The following RIMS2 variants were observed in gnomAD, a reference collection of about 807,000 sequenced individuals.
The protein encoded by RIMS2 is regulating synaptic membrane exocytosis protein 2.
A neutral mutation model predicts 174.4 loss-of-function variants in RIMS2; 59 were observed. The observed-to-expected ratio is 0.34, with a 90% confidence interval of 0.27 to 0.42. The LOEUF (loss-of-function observed/expected upper bound fraction) is 0.42, where lower values mean the gene tolerates loss of function less well. Ranked by LOEUF, RIMS2 falls within the 10% of genes least tolerant of loss-of-function variation. The probability of loss-of-function intolerance (pLI) is 1.00; values close to 1 mark genes in which losing one functional copy is unlikely to be tolerated. For synonymous variants in RIMS2, 606 were observed against 572.5 expected (o/e 1.06, Z -0.84); for missense variants, 1,620 against 1,666.3 (o/e 0.97, Z 0.48).
chr8:103,968,515 C>CT (rs146890850), intron 15 of RIMS2, among the ~76,000 whole-genome samples: 18,993 of 147,080 alleles, frequency 0.13, 1,624 homozygotes, highest in Non-Finnish European at 0.2. Flanking sequence ...TTTTTCTTAC[C>CT]TTTTTTTTTG....
At chr8:103,568,853 T>A (rs185981014) in intron 1 of RIMS2, 1 of 1,158,604 alleles carries the variant, frequency 8.6e-7, no homozygotes, top group Non-Finnish European at 1.3e-6. Context: ...CTGGCTGGTC[T>A]TTGTTAATTG....
intron 19 of RIMS2, among the ~76,000 whole-genome samples, chr8:104,121,082 G>A (rs983166128): frequency 6.6e-6 from 1 of 151,502 alleles, no homozygotes; most frequent in Admixed American, 6.6e-5. Flanking sequence ...ATGGTACTTC[G>A]TGGTGCGATA....
Position 103,812,509 on chromosome 8 carries a change from G to A in RIMS2, c.698+45972G>A, listed in dbSNP as rs372784788. On this transcript the variant is annotated intron_variant, in intron 3 of 23. Transcript: ENST00000504942. ...CGATTCTCCTGCCTCAGCTTCCCGA[G>A]TAGCTGGGATTACAGGCGCGTACCA... Among the ~76,000 whole-genome samples the A allele has an allele frequency of 5.9e-5, 9 of 152,020 alleles. No homozygotes were observed. The South Asian group carries it at 1.9e-3, about 32-fold the overall frequency.
chr8:103,738,540 A>T (rs1317717381), intron 2 of RIMS2, among the ~76,000 whole-genome samples: 1 of 152,316 alleles, frequency 6.6e-6, no homozygotes, highest in African/African-American at 2.4e-5. Context: ...ATGGGATCTA[A>T]TTAAACTAAA....
chr8:103,785,666 T>G (rs1320405966), intron 3 of RIMS2, among the ~76,000 whole-genome samples: 75 of 152,052 alleles, frequency 4.9e-4, no homozygotes, highest in African/African-American at 1.6e-3. Flanking sequence ...GCTGGATTCG[T>G]TTAGCCAGTA....
chr8:103,510,671 C>G (rs576220306), intron 1 of RIMS2, among the ~76,000 whole-genome samples: 1 of 152,066 alleles, frequency 6.6e-6, no homozygotes, highest in African/African-American at 2.4e-5. Flanking sequence ...ATTGCGATGC[C>G]GTCTCTCTGA....
At chr8:104,059,226 G>C (rs1381497094) in intron 19 of RIMS2, among the ~76,000 whole-genome samples, 20 of 151,080 alleles carry the variant, frequency 1.3e-4, no homozygotes, top group Admixed American at 1.3e-3. Flanking sequence ...CCATTTCTTT[G>C]TATCCTCTTT....
intron 19 of RIMS2, among the ~76,000 whole-genome samples, chr8:104,220,137 T>C (rs1367185639): frequency 6.6e-6 from 1 of 151,970 alleles, no homozygotes; most frequent in Non-Finnish European, 1.5e-5. Context: ...TGAAGGTCTG[T>C]CTCTCTGGTA....
At chr8:104,072,613 A>G (rs1336955826) in intron 19 of RIMS2, among the ~76,000 whole-genome samples, 1 of 152,146 alleles carries the variant, frequency 6.6e-6, no homozygotes, top group Non-Finnish European at 1.5e-5. Context: ...TTCCAGTGAC[A>G]CAATTGTGAA....
chr8:103,514,422 A>T (rs975897227), intron 1 of RIMS2, among the ~76,000 whole-genome samples: 2 of 152,216 alleles, frequency 1.3e-5, no homozygotes, highest in African/African-American at 4.8e-5. Flanking sequence ...TCATATTGAG[A>T]TAAACTGGGA....
chr8:103,543,022 G>A (rs1052704317), intron 1 of RIMS2, among the ~76,000 whole-genome samples: 7 of 152,094 alleles, frequency 4.6e-5, no homozygotes, highest in Admixed American at 3.9e-4. Context: ...TCTTGCCAGA[G>A]CAATTAGGCA....
chr8:103,788,680 C>G (rs942262051), intron 3 of RIMS2, among the ~76,000 whole-genome samples: 1 of 151,948 alleles, frequency 6.6e-6, no homozygotes, highest in Non-Finnish European at 1.5e-5. Flanking sequence ...TCAAAGCTGT[C>G]AGACAGGGAC....
At chr8:103,653,799 TA>T (rs1465622870) in intron 1 of RIMS2, among the ~76,000 whole-genome samples, 5 of 152,118 alleles carry the variant, frequency 3.3e-5, no homozygotes, top group African/African-American at 1.2e-4. Flanking sequence ...TCCTAATAGT[TA>T]ATATGTAGTT....
chr8:104,002,752 G>A (rs1565786963), intron 17 of RIMS2, among the ~76,000 whole-genome samples: 2 of 152,078 alleles, frequency 1.3e-5, no homozygotes, highest in African/African-American at 2.4e-5. Context: ...GAAGAAGCTG[G>A]GCTTTCACTG....
At chr8:103,901,878 T>C (rs957745175) in intron 4 of RIMS2, among the ~76,000 whole-genome samples, 3 of 152,212 alleles carry the variant, frequency 2.0e-5, no homozygotes, top group African/African-American at 7.2e-5. Context: ...CATTTTGGTT[T>C]GGTTCCTATT....
intron 1 of RIMS2, among the ~76,000 whole-genome samples, chr8:103,658,629 G>A (rs1186288896): frequency 6.6e-6 from 1 of 152,124 alleles, no homozygotes; most frequent in Non-Finnish European, 1.5e-5. Flanking sequence ...CAGGGAAAAT[G>A]GTGTGTATCT....
At chr8:104,211,501 T>C (rs1353351740) in intron 19 of RIMS2, among the ~76,000 whole-genome samples, 1 of 152,188 alleles carries the variant, frequency 6.6e-6, no homozygotes, top group African/African-American at 2.4e-5. Flanking sequence ...GTTTGTATTT[T>C]ATTTTGATTG....
chr8:104,082,924 A>C (rs2097452281), intron 19 of RIMS2, among the ~76,000 whole-genome samples: 2 of 152,254 alleles, frequency 1.3e-5, no homozygotes, highest in South Asian at 4.1e-4. Context: ...TGATATACTT[A>C]AGATGCATTT....
At position 104,049,254 on chromosome 8, in the gene RIMS2, C is replaced by T. The variant is rs561830354; in HGVS notation, c.3334+34639C>T. 2.6e-5 allele frequency among the ~76,000 whole-genome samples: 4 copies of T among 152,048 alleles called. No homozygotes were observed. In the East Asian group the frequency reaches 7.7e-4, roughly 29 times the overall value. ...TGGCTAACACGGTGAAACCCCATCT[C>T]TACTAAAAATACAAAAAATTACCCG... is the stretch of plus-strand genomic sequence containing the variant. On this transcript the variant is annotated intron_variant, in intron 19 of 23. Transcript: ENST00000504942.
Sources: gnomAD v4.1 joint callset for allele counts (sites outside exome capture counted in the v4.1 genomes callset) on GRCh38, gnomAD v4.1.1 for gene constraint, MANE v1.5 for transcripts, NCBI Gene and HGNC (gene_info 2026-07-23, HGNC 2026-07-21) for gene names.